PM20D2: variants seen among roughly 807,000 people sequenced by gnomAD.
PM20D2 encodes the protein peptidase M20 domain containing 2.
A neutral mutation model predicts 42.9 loss-of-function variants in PM20D2; 33 were observed. The ratio of observed to expected loss-of-function variants is 0.77; its 90% CI spans 0.58 to 1.03. The LOEUF is 1.03. Ranked by LOEUF, PM20D2 falls within the 50% of genes least tolerant of loss-of-function variation. The pLI is 0.00. For synonymous variants in PM20D2, 250 were observed against 228.2 expected (o/e 1.10, Z -0.86); for missense variants, 548 against 557.0 (o/e 0.98, Z 0.16).
chr6:89,107,179 G>A, the PM20D2 span: 49 of 1,613,876 alleles, frequency 3.0e-5, no homozygotes, highest in Non-Finnish European at 3.7e-5. Context: ...CCTCTTGGGC[G>A]GCGAGTGTAG....
At chr6:89,149,853 A>C (rs1770767734) in intron 2 of PM20D2, among the ~76,000 whole-genome samples, 1 of 152,202 alleles carries the variant, frequency 6.6e-6, no homozygotes, top group Non-Finnish European at 1.5e-5. Context: ...GTCCTGAGAG[A>C]GAATATGGAA....
the PM20D2 span, among the ~76,000 whole-genome samples, chr6:89,127,166 CAAT>C: frequency 6.6e-6 from 1 of 151,950 alleles, no homozygotes; most frequent in Admixed American, 6.6e-5. Flanking sequence ...GTATTCCAGT[CAAT>C]AAAATAAAGA....
chr6:89,120,764 T>C, the PM20D2 span, among the ~76,000 whole-genome samples: 1 of 152,014 alleles, frequency 6.6e-6, no homozygotes, highest in Non-Finnish European at 1.5e-5. Flanking sequence ...TCCTAGCTGC[T>C]CAGGTGGCTG....
At chr6:89,113,542 C>T in the PM20D2 span, among the ~76,000 whole-genome samples, 1 of 152,122 alleles carries the variant, frequency 6.6e-6, no homozygotes, top group Admixed American at 6.5e-5. Context: ...CTCCTGACCT[C>T]AAGTGATCCA....
the PM20D2 span, among the ~76,000 whole-genome samples, chr6:89,115,493 G>C: frequency 6.6e-6 from 1 of 151,654 alleles, no homozygotes; most frequent in Admixed American, 6.6e-5. Context: ...GGTAGGCCAG[G>C]TTGGTCTCGA....
chr6:89,105,063 T>C, the PM20D2 span: 4 of 1,503,904 alleles, frequency 2.7e-6, no homozygotes, highest in African/African-American at 4.2e-5. Flanking sequence ...CAAAAAAATA[T>C]ATATCTATTT....
the PM20D2 span, among the ~76,000 whole-genome samples, chr6:89,127,285 A>G: frequency 7.2e-5 from 11 of 152,150 alleles, no homozygotes; most frequent in African/African-American, 2.6e-4. Flanking sequence ...AGAAACATCC[A>G]TTATATGCTC....
chr6:89,145,052 G>A (rs78131441), upstream of PM20D2, among the ~76,000 whole-genome samples: 3,721 of 152,256 alleles, frequency 0.024, 74 homozygotes, highest in African/African-American at 0.045. Context: ...AATATATTGT[G>A]TCCCATTTAA....
At chr6:89,150,866 A>C (rs1167768011) in intron 2 of PM20D2, among the ~76,000 whole-genome samples, 1 of 151,300 alleles carries the variant, frequency 6.6e-6, no homozygotes, top group Non-Finnish European at 1.5e-5. Flanking sequence ...TAAGATAGAA[A>C]AGAGAGGTCA....
rs1256141782 is a variant in PM20D2 at position 89,162,097 on chromosome 6, TC to T, written c.1157-11del. 1 of 1,594,088 alleles carries T rather than the reference TC, an allele frequency of 6.3e-7. No homozygotes were observed. Among genetic ancestry groups the T allele is most frequent in the Non-Finnish European group, 8.5e-7 (1 of 1,173,274 alleles). On this transcript the variant is annotated splice_polypyrimidine_tract_variant and intron_variant, in intron 6 of 6. Transcript: ENST00000275072. ...ATAAGTAAGGAGGTATTTTATTTTC[TC>T]TACCTTTTAGGGTCACAGGAAGCTC...
upstream of PM20D2, among the ~76,000 whole-genome samples, chr6:89,142,283 A>G (rs1770346856): frequency 6.6e-6 from 1 of 152,162 alleles, no homozygotes; most frequent in African/African-American, 2.4e-5. Flanking sequence ...TACATGTGCT[A>G]TCTAGTGCGT....
chr6:89,112,672 A>C, the PM20D2 span, among the ~76,000 whole-genome samples: 2 of 151,908 alleles, frequency 1.3e-5, no homozygotes, highest in African/African-American at 4.8e-5. Context: ...TTGGCCTCCC[A>C]AAGCACTGGG....
chr6:89,142,861 T>C (rs938091451), upstream of PM20D2, among the ~76,000 whole-genome samples: 7 of 152,066 alleles, frequency 4.6e-5, no homozygotes, highest in African/African-American at 1.4e-4. Flanking sequence ...GGTTTCACCA[T>C]GTTAGCCAGG....
the PM20D2 span, among the ~76,000 whole-genome samples, chr6:89,139,487 T>G: frequency 6.6e-6 from 1 of 152,206 alleles, no homozygotes; most frequent in African/African-American, 2.4e-5. Flanking sequence ...GTGCTGGGAT[T>G]ATAGGCGAGA....
chr6:89,152,761 A>G (rs947764524), intron 2 of PM20D2, among the ~76,000 whole-genome samples: 1 of 151,886 alleles, frequency 6.6e-6, no homozygotes, highest in African/African-American at 2.4e-5. Flanking sequence ...TCAGCACCTG[A>G]TACCATATTG....
At chr6:89,149,542 G>T in intron 2 of PM20D2, 129 bp downstream of exon 2, 3 of 1,182,012 alleles carry the variant, frequency 2.5e-6, no homozygotes, top group South Asian at 1.6e-5. Flanking sequence ...ATAACAAGAT[G>T]TCTTGATCTA....
the PM20D2 span, among the ~76,000 whole-genome samples, chr6:89,112,696 G>A: frequency 6.6e-6 from 1 of 151,906 alleles, no homozygotes; most frequent in Non-Finnish European, 1.5e-5. Context: ...ACAAGCATAA[G>A]CCACTGAGCC....
chr6:89,136,448 C>G, the PM20D2 span, among the ~76,000 whole-genome samples: 1 of 150,904 alleles, frequency 6.6e-6, no homozygotes, highest in African/African-American at 2.5e-5. Flanking sequence ...GAGGCTGAGG[C>G]GGGCGGATCA....
At chr6:89,153,311 T>G (rs1310697801) in intron 3 of PM20D2, 126 bp downstream of exon 3, 3 of 722,378 alleles carry the variant, frequency 4.2e-6, no homozygotes, top group Non-Finnish European at 5.8e-6. Context: ...ATTCTGATTT[T>G]TAAGCATATT....
Sources: allele counts gnomAD v4.1 joint callset (sites outside exome capture counted in the v4.1 genomes callset), GRCh38; gene constraint gnomAD v4.1.1; transcripts MANE v1.5; gene names NCBI Gene and HGNC (gene_info 2026-07-23, HGNC 2026-07-21).